CUX1: variants seen among roughly 807,000 people sequenced by gnomAD.
CUX1 encodes protein CASP.
Under a neutral mutation model 158.8 loss-of-function variants are expected in CUX1, and 31 were observed. The observed-to-expected ratio is 0.20, with a 90% CI of 0.15 to 0.26. The LOEUF is 0.26. Among genes scored for constraint, CUX1 ranks in the 10% least tolerant of loss-of-function variants. CUX1 has a pLI of 1.00. For missense variants in CUX1, 1,589 were observed against 2,014.6 expected, an observed-to-expected ratio of 0.79 and a Z score of 4.04; for synonymous variants, 879 against 862.1, an observed-to-expected ratio of 1.02 and a Z score of -0.34.
chr7:102,000,501 T>C (rs566482537), intron 2 of CUX1, among the ~76,000 whole-genome samples: 1 of 152,328 alleles, frequency 6.6e-6, no homozygotes, highest in African/African-American at 2.4e-5. Flanking sequence ...TGCAGAGCAA[T>C]GTATATTTCA....
At chr7:101,881,400 G>A (rs1799689681) in intron 1 of CUX1, among the ~76,000 whole-genome samples, 1 of 152,200 alleles carries the variant, frequency 6.6e-6, no homozygotes, top group Non-Finnish European at 1.5e-5. Context: ...ATCAAAAGCA[G>A]CTTCTTACCT....
chr7:102,068,401 G>C (rs1003747778), intron 3 of CUX1, among the ~76,000 whole-genome samples: 1 of 152,006 alleles, frequency 6.6e-6, no homozygotes, highest in Non-Finnish European at 1.5e-5. Context: ...ACAGGCGTGA[G>C]CCACCACACC....
At chr7:101,890,620 G>GAAAAAAAAAAGGC (rs1800779213) in intron 1 of CUX1, among the ~76,000 whole-genome samples, 1 of 152,144 alleles carries the variant, frequency 6.6e-6, no homozygotes, top group South Asian at 2.1e-4. Flanking sequence ...GAAAAACGGT[G>GAAAAAAAAAAGGC]AGTCCCTTTT....
Position 102,250,658 on chromosome 7 carries a change from C to T in CUX1, c.*1616C>T, listed in dbSNP as rs1363353647. The T allele has an allele frequency of 2.0e-6, 2 of 985,392 alleles. No individual in the cohort carries two copies. The highest frequency in any genetic ancestry group is 4.7e-5 in the South Asian group (1 of 21,288). The allele number at this position is 985,392 out of a possible 1,614,324, so 61.0% of individuals were successfully genotyped here. On this transcript the variant is annotated 3_prime_UTR_variant, in exon 24 of 24. Transcript: ENST00000292535. Reference sequence around the variant, plus strand: ...CCTACCATTTGCCCTTCTTTCATTTCGCCTCTTAGTTCTTTTTATGCACAG... The same window carrying T: ...CCTACCATTTGCCCTTCTTTCATTTTGCCTCTTAGTTCTTTTTATGCACAG...
At chr7:101,855,036 G>A (rs1796631431) in intron 1 of CUX1, among the ~76,000 whole-genome samples, 2 of 152,138 alleles carry the variant, frequency 1.3e-5, no homozygotes, top group Admixed American at 1.3e-4. Flanking sequence ...CGCCCGGCCT[G>A]GACTCAATTT....
At chr7:101,868,316 T>C (rs1277997423) in intron 1 of CUX1, among the ~76,000 whole-genome samples, 1 of 152,184 alleles carries the variant, frequency 6.6e-6, no homozygotes, top group Non-Finnish European at 1.5e-5. Context: ...AGGCCTGTAG[T>C]GGAGCTGGCT....
intron 23 of CUX1, among the ~76,000 whole-genome samples, chr7:102,246,841 A>T (rs1800865711): frequency 6.6e-6 from 1 of 152,170 alleles, no homozygotes; most frequent in African/African-American, 2.4e-5. Flanking sequence ...AAGTGCTGGG[A>T]TTGCAGGCGT....
At chr7:102,058,920 A>T (rs1824459290) in intron 3 of CUX1, among the ~76,000 whole-genome samples, 1 of 152,180 alleles carries the variant, frequency 6.6e-6, no homozygotes, top group Non-Finnish European at 1.5e-5. Flanking sequence ...AGCACATCTT[A>T]GCCTCCTTAA....
At chr7:101,867,900 G>C (rs1018860458) in intron 1 of CUX1, among the ~76,000 whole-genome samples, 1 of 151,778 alleles carries the variant, frequency 6.6e-6, no homozygotes, top group Non-Finnish European at 1.5e-5. Flanking sequence ...TAGTAGAGAT[G>C]GGGTTTCACC....
chr7:102,023,108 G>A (rs1296122457), intron 2 of CUX1, among the ~76,000 whole-genome samples: 1 of 152,138 alleles, frequency 6.6e-6, no homozygotes, highest in Non-Finnish European at 1.5e-5. Flanking sequence ...TCAGCTACTT[G>A]GGAGGCTGAA....
intron 14 of CUX1, among the ~76,000 whole-genome samples, chr7:102,272,564 C>T (rs782676506): frequency 3.3e-5 from 5 of 152,010 alleles, no homozygotes; most frequent in Non-Finnish European, 7.3e-5. Context: ...GGCCCTGAGC[C>T]GCACAGTCAA....
At chr7:102,017,596 A>AGCGCT (rs915051489) in intron 2 of CUX1, among the ~76,000 whole-genome samples, 1 of 151,820 alleles carries the variant, frequency 6.6e-6, no homozygotes, top group African/African-American at 2.4e-5. Flanking sequence ...CCTGTAACCC[A>AGCGCT]GCGCTTCGGT....
intron 1 of CUX1, among the ~76,000 whole-genome samples, chr7:101,884,740 T>C (rs114756215): frequency 1.3e-5 from 2 of 152,358 alleles, no homozygotes; most frequent in Non-Finnish European, 2.9e-5. Flanking sequence ...GACTTTAGCA[T>C]AGAAAGTGCT....
At chr7:102,165,041 CTCT>C (rs1261038146) in intron 9 of CUX1, among the ~76,000 whole-genome samples, 3 of 152,080 alleles carry the variant, frequency 2.0e-5, no homozygotes, top group Non-Finnish European at 4.4e-5. Context: ...TGAGGGTTCT[CTCT>C]TGTTGGTTCC....
chr7:102,075,189 C>T (rs1350463402), intron 4 of CUX1, among the ~76,000 whole-genome samples: 1 of 152,138 alleles, frequency 6.6e-6, no homozygotes, highest in Admixed American at 6.6e-5. Context: ...CCAACTCTGG[C>T]CATCCAACCT....
chr7:102,017,067 G>C (rs939814873), intron 2 of CUX1, among the ~76,000 whole-genome samples: 1 of 152,160 alleles, frequency 6.6e-6, no homozygotes, highest in African/African-American at 2.4e-5. Context: ...ACTTTGGGAG[G>C]CCGAGGTGGG....
intron 1 of CUX1, among the ~76,000 whole-genome samples, chr7:101,903,589 A>G (rs1802401559): frequency 6.6e-6 from 1 of 152,238 alleles, no homozygotes; most frequent in South Asian, 2.1e-4. Flanking sequence ...TGAGTAATCC[A>G]TAAAGCAGAG....
intron 8 of CUX1, among the ~76,000 whole-genome samples, chr7:102,132,985 G>A (rs1326006000): frequency 1.3e-5 from 2 of 151,890 alleles, no homozygotes; most frequent in Admixed American, 1.3e-4. Context: ...TTTGTTTTTC[G>A]TCTCTTGGTC....
At chr7:102,189,344 C>T (rs1267712425) in intron 11 of CUX1, among the ~76,000 whole-genome samples, 6 of 123,894 alleles carry the variant, frequency 4.8e-5, no homozygotes, top group Admixed American at 2.5e-4. Flanking sequence ...TGCAAAGATT[C>T]TTCCTTCTTT....
Sources: gnomAD v4.1 joint callset for allele counts (sites outside exome capture counted in the v4.1 genomes callset) on GRCh38, gnomAD v4.1.1 for gene constraint, MANE v1.5 for transcripts, NCBI Gene and HGNC (gene_info 2026-07-23, HGNC 2026-07-21) for gene names.